ANKS1B: variants seen among roughly 807,000 people sequenced by gnomAD.
ANKS1B encodes ankyrin repeat and sterile alpha motif domain-containing protein 1B.
A neutral mutation model predicts 148.3 loss-of-function variants in ANKS1B; 36 were observed. The observed-to-expected ratio is 0.24, with a 90% CI of 0.19 to 0.32. The LOEUF (loss-of-function observed/expected upper bound fraction) is 0.32, where lower values mean the gene tolerates loss of function less well. Ranked by LOEUF, ANKS1B falls within the 10% of genes least tolerant of loss-of-function variation. The pLI, the probability that ANKS1B is intolerant of heterozygous loss-of-function variation, is 1.00. For synonymous variants in ANKS1B, 542 were observed against 560.8 expected, an observed-to-expected ratio of 0.97 and a Z score of 0.47; for missense variants, 1,157 against 1,542.6, an observed-to-expected ratio of 0.75 and a Z score of 4.19.
At chr12:98,873,102 T>C (rs1174090912) in intron 17 of ANKS1B, among the ~76,000 whole-genome samples, 1 of 152,212 alleles carries the variant, frequency 6.6e-6, no homozygotes, top group Non-Finnish European at 1.5e-5. Context: ...ACAGTTGGGT[T>C]ATTCTTCTTC....
intron 14 of ANKS1B, among the ~76,000 whole-genome samples, chr12:99,184,291 A>C (rs2079511338): frequency 6.6e-6 from 1 of 152,244 alleles, no homozygotes; most frequent in South Asian, 2.1e-4. Flanking sequence ...TGAGCCATAG[A>C]CTATTAAAGA....
At chr12:98,888,120 C>T (rs1489140406) in intron 17 of ANKS1B, among the ~76,000 whole-genome samples, 2 of 152,236 alleles carry the variant, frequency 1.3e-5, no homozygotes, top group Non-Finnish European at 1.5e-5. Flanking sequence ...GTATTACATG[C>T]ATTGTCTGAA....
rs764028807 is a variant in ANKS1B at position 99,207,123 on chromosome 12, C to T, written c.2419+37219G>A. On this transcript the variant is annotated intron_variant, in intron 14 of 26. Coordinates refer to ENST00000683438, the MANE Select transcript of ANKS1B (RefSeq NM_001352186.2). Reference sequence around the variant, plus strand: ...CAAATAAGGAAGAATATTCAGAAAACCCTGTCTTGCATTGTGCTATTCTTT... The same window carrying T: ...CAAATAAGGAAGAATATTCAGAAAATCCTGTCTTGCATTGTGCTATTCTTT... Among the ~76,000 whole-genome samples, 33 of 152,284 alleles carry T rather than the reference C, an allele frequency of 2.2e-4. No homozygotes were observed. In the Middle Eastern group the frequency reaches 0.01, roughly 47 times the overall value.
intron 9 of ANKS1B, among the ~76,000 whole-genome samples, chr12:99,528,796 T>C (rs1192538530): frequency 6.6e-6 from 1 of 152,190 alleles, no homozygotes; most frequent in East Asian, 1.9e-4. Context: ...ATGTGATGTA[T>C]GTTCATATCT....
intron 11 of ANKS1B, among the ~76,000 whole-genome samples, chr12:99,401,307 A>G (rs944456881): frequency 3.4e-5 from 5 of 146,254 alleles, no homozygotes; most frequent in African/African-American, 1.3e-4. Context: ...TATAATAGCA[A>G]TTAGAAAGGC....
intron 9 of ANKS1B, among the ~76,000 whole-genome samples, chr12:99,631,656 G>A (rs1357843805): frequency 6.6e-6 from 1 of 152,172 alleles, no homozygotes; most frequent in East Asian, 1.9e-4. Flanking sequence ...TTAATGCTGA[G>A]GGCTTTGGGG....
intron 10 of ANKS1B, among the ~76,000 whole-genome samples, chr12:99,460,465 A>C (rs1293811767): frequency 1.3e-5 from 2 of 152,214 alleles, no homozygotes; most frequent in African/African-American, 4.8e-5. Context: ...AATAATCAGC[A>C]GAGTAAACAG....
chr12:98,786,796 C>T (rs1421344284), intron 22 of ANKS1B, among the ~76,000 whole-genome samples: 1 of 152,174 alleles, frequency 6.6e-6, no homozygotes, highest in Admixed American at 6.5e-5. Context: ...TCAGCACAGA[C>T]AGGGAAAACA....
chr12:98,765,242 A>G (rs2098464877), intron 25 of ANKS1B, among the ~76,000 whole-genome samples: 1 of 152,148 alleles, frequency 6.6e-6, no homozygotes, highest in South Asian at 2.1e-4. Context: ...TATTTTACAG[A>G]TTAGGAAACT....
chr12:99,150,126 G>A (rs1352112474), intron 15 of ANKS1B, among the ~76,000 whole-genome samples: 1 of 152,160 alleles, frequency 6.6e-6, no homozygotes, highest in African/African-American at 2.4e-5. Context: ...AATGGTCCAT[G>A]TTCCCATTGG....
At chr12:99,211,944 T>C (rs1264828990) in intron 14 of ANKS1B, among the ~76,000 whole-genome samples, 2 of 152,164 alleles carry the variant, frequency 1.3e-5, no homozygotes, top group Non-Finnish European at 2.9e-5. Flanking sequence ...CACATCTTCC[T>C]AAGAAGGCCC....
intron 12 of ANKS1B, among the ~76,000 whole-genome samples, chr12:99,370,887 G>A (rs1324300851): frequency 6.6e-6 from 1 of 152,118 alleles, no homozygotes. Context: ...CAAGTACTTC[G>A]ATGCACTCTA....
At chr12:99,280,952 C>G (rs1016459069) in intron 12 of ANKS1B, among the ~76,000 whole-genome samples, 1 of 151,790 alleles carries the variant, frequency 6.6e-6, no homozygotes, top group Non-Finnish European at 1.5e-5. Flanking sequence ...CACACTCTCT[C>G]TCTCTCTCGC....
At chr12:98,913,379 C>T (rs1174703991) in intron 17 of ANKS1B, among the ~76,000 whole-genome samples, 1 of 152,136 alleles carries the variant, frequency 6.6e-6, no homozygotes, top group Non-Finnish European at 1.5e-5. Flanking sequence ...TCTGGCCTCC[C>T]CTTCTCTGTC....
At chr12:99,002,860 A>G (rs1003496004) in intron 17 of ANKS1B, among the ~76,000 whole-genome samples, 7 of 151,886 alleles carry the variant, frequency 4.6e-5, no homozygotes, top group African/African-American at 7.3e-5. Flanking sequence ...TTGCGTATTT[A>G]TGCTTTTGTC....
At chr12:99,638,561 C>A (rs2153415755) in intron 9 of ANKS1B, among the ~76,000 whole-genome samples, 1 of 152,112 alleles carries the variant, frequency 6.6e-6, no homozygotes, top group East Asian at 1.9e-4. Flanking sequence ...TTCTAAGCAG[C>A]AAAGCATTCA....
At chr12:98,994,105 T>C (rs1205564721) in intron 17 of ANKS1B, among the ~76,000 whole-genome samples, 1 of 152,226 alleles carries the variant, frequency 6.6e-6, no homozygotes, top group Non-Finnish European at 1.5e-5. Context: ...TGTACATATA[T>C]GTGGATTCCC....
Position 99,678,412 on chromosome 12 carries a change from A to G in ANKS1B, c.1129-23202T>C, listed in dbSNP as rs950118814. Among the ~76,000 whole-genome samples the G allele has an allele frequency of 2.4e-4, 36 of 152,202 alleles. 1 individual carries two copies. ...TCTGAGATTTTAAGTCCTAAAAATG[A>G]AGATATAATTCTGGCCTAAAACTTA... On this transcript the variant is annotated intron_variant, in intron 8 of 26. Coordinates refer to ENST00000683438, the MANE Select transcript of ANKS1B (RefSeq NM_001352186.2).
chr12:99,418,557 G>A (rs56075851), intron 11 of ANKS1B, among the ~76,000 whole-genome samples: 24,081 of 151,872 alleles, frequency 0.16, 2,172 homozygotes, highest in African/African-American at 0.25. Flanking sequence ...AGCTTGCTTC[G>A]GATTTCTACG....
Sources: gnomAD v4.1 joint callset for allele counts (sites outside exome capture counted in the v4.1 genomes callset) on GRCh38, gnomAD v4.1.1 for gene constraint, MANE v1.5 for transcripts, NCBI Gene and HGNC (gene_info 2026-07-23, HGNC 2026-07-21) for gene names.